Variants in PALM2AKAP2 observed in about 807,000 individuals in gnomAD.
PALM2AKAP2 encodes the protein PALM2 and AKAP2 fusion.
Under a neutral mutation model 71.5 loss-of-function variants are expected in PALM2AKAP2, and 37 were observed. The ratio of observed to expected loss-of-function variants is 0.52; its 90% CI spans 0.40 to 0.68. PALM2AKAP2 has a LOEUF of 0.68. PALM2AKAP2 is among the 30% of genes least tolerant of loss of function. The probability of loss-of-function intolerance (pLI) is 0.00; values close to 1 mark genes in which losing one functional copy is unlikely to be tolerated. For missense variants in PALM2AKAP2, 1,224 were observed against 1,191.8 expected, an observed-to-expected ratio of 1.03 and a Z score of -0.40; for synonymous variants, 468 against 478.8, an observed-to-expected ratio of 0.98 and a Z score of 0.29.
intron 2 of PALM2AKAP2, among the ~76,000 whole-genome samples, chr9:110,146,081 G>A (rs1384996330): frequency 6.6e-6 from 1 of 151,732 alleles, no homozygotes; most frequent in African/African-American, 2.4e-5. Flanking sequence ...TGTATTTTTA[G>A]TAGAGATGGG....
chr9:109,791,149 A>G (rs1486856803), intron 1 of PALM2AKAP2, among the ~76,000 whole-genome samples: 1 of 152,238 alleles, frequency 6.6e-6, no homozygotes. Context: ...ACTGGTGACT[A>G]GAGATAAGAC....
chr9:110,118,986 A>G (rs878858305), intron 1 of PALM2AKAP2, among the ~76,000 whole-genome samples: 1 of 152,210 alleles, frequency 6.6e-6, no homozygotes, highest in Admixed American at 6.5e-5. Context: ...GAAGATTGCT[A>G]CATATAAATT....
At chr9:109,819,452 C>T (rs975273620) in intron 1 of PALM2AKAP2, among the ~76,000 whole-genome samples, 7 of 152,274 alleles carry the variant, frequency 4.6e-5, no homozygotes, top group African/African-American at 1.7e-4. Context: ...CTGGGAAGAG[C>T]AATAACTCTT....
At chr9:110,053,788 A>C (rs1248449032) in intron 1 of PALM2AKAP2, among the ~76,000 whole-genome samples, 1 of 152,050 alleles carries the variant, frequency 6.6e-6, no homozygotes, top group Non-Finnish European at 1.5e-5. Flanking sequence ...TTTTTCTTCT[A>C]AGCCTTGGAA....
At chr9:109,697,641 T>TA (rs890157125) in intron 1 of PALM2AKAP2, among the ~76,000 whole-genome samples, 35 of 152,296 alleles carry the variant, frequency 2.3e-4, no homozygotes, top group African/African-American at 7.7e-4. Context: ...AAATTACATT[T>TA]AAAAAAATTA....
At chr9:109,981,240 G>A (rs1832264127) in intron 6 of PALM2AKAP2, among the ~76,000 whole-genome samples, 1 of 152,176 alleles carries the variant, frequency 6.6e-6, no homozygotes, top group Admixed American at 6.5e-5. Context: ...GCCTTTCAAA[G>A]TCACTTAGAA....
chr9:109,715,071 G>T (rs1357731609), intron 1 of PALM2AKAP2, among the ~76,000 whole-genome samples: 1 of 114,032 alleles, frequency 8.8e-6, no homozygotes, highest in Non-Finnish European at 2.0e-5. Flanking sequence ...AAGTCAGTTG[G>T]ACTCTGAGTT....
chr9:110,137,018 T>G, exon 2 of PALM2AKAP2: 1 of 1,612,670 alleles, frequency 6.2e-7, no homozygotes, highest in South Asian at 1.1e-5. Context: ...ACATCTGGAG[T>G]CGCACAAAAA....
chr9:110,115,454 A>G (rs992371082), intron 1 of PALM2AKAP2, among the ~76,000 whole-genome samples: 2 of 152,148 alleles, frequency 1.3e-5, no homozygotes, highest in African/African-American at 4.8e-5. Flanking sequence ...TCGAGTCTTC[A>G]TTGCCCCTTG....
intron 1 of PALM2AKAP2, among the ~76,000 whole-genome samples, chr9:109,699,722 A>AT (rs370064376): frequency 5.3e-5 from 8 of 151,562 alleles, no homozygotes; most frequent in South Asian, 4.2e-4. Context: ...TTTTATTTCC[A>AT]TTTTTTTTCC....
chr9:109,826,725 C>T (rs1828159459), intron 1 of PALM2AKAP2, among the ~76,000 whole-genome samples: 1 of 152,118 alleles, frequency 6.6e-6, no homozygotes, highest in South Asian at 2.1e-4. Flanking sequence ...GGAAAATTGC[C>T]TGTAAGTGTG....
intron 1 of PALM2AKAP2, among the ~76,000 whole-genome samples, chr9:110,071,030 G>GGT (rs1245741852): frequency 1.3e-5 from 2 of 151,924 alleles, no homozygotes; most frequent in Non-Finnish European, 2.9e-5. Context: ...CAGACATGGT[G>GGT]GTACGTGCCT....
intron 7 of PALM2AKAP2, among the ~76,000 whole-genome samples, chr9:110,035,469 AT>A (rs1564271511): frequency 1.7e-4 from 25 of 143,800 alleles, no homozygotes; most frequent in African/African-American, 5.9e-4. Flanking sequence ...ATGTATATAT[AT>A]GATATGTTGT....
intron 1 of PALM2AKAP2, among the ~76,000 whole-genome samples, chr9:109,741,340 A>G (rs1449685627): frequency 6.6e-6 from 1 of 152,164 alleles, no homozygotes; most frequent in Non-Finnish European, 1.5e-5. Context: ...ATATCACCAC[A>G]AGTTTATTCA....
At chr9:109,863,123 G>A (rs1829359223) in intron 1 of PALM2AKAP2, among the ~76,000 whole-genome samples, 1 of 152,216 alleles carries the variant, frequency 6.6e-6, no homozygotes, top group Non-Finnish European at 1.5e-5. Flanking sequence ...AGTTGGAGAA[G>A]CCAAGAATGG....
intron 1 of PALM2AKAP2, among the ~76,000 whole-genome samples, chr9:109,809,216 C>T (rs996113572): frequency 1.3e-5 from 2 of 152,328 alleles, no homozygotes; most frequent in Middle Eastern, 3.4e-3. Context: ...CAGCTTTCAT[C>T]GTGCAACTAG....
intron 7 of PALM2AKAP2, among the ~76,000 whole-genome samples, chr9:110,038,863 C>T (rs1042545312): frequency 2.3e-4 from 31 of 135,228 alleles, no homozygotes; most frequent in African/African-American, 7.6e-4. Flanking sequence ...ATTGCTTGAA[C>T]GTGGGAGGCA....
chr9:109,855,043 C>T (rs544031801), intron 1 of PALM2AKAP2, among the ~76,000 whole-genome samples: 38 of 151,716 alleles, frequency 2.5e-4, no homozygotes, highest in African/African-American at 8.0e-4. Context: ...ACTGGGATTA[C>T]AGGCGTGAGC....
intron 1 of PALM2AKAP2, among the ~76,000 whole-genome samples, chr9:110,093,523 C>G (rs1451559432): frequency 2.0e-5 from 3 of 152,170 alleles, no homozygotes; most frequent in South Asian, 2.1e-4. Context: ...GAAATATTGT[C>G]TTGGATAGAA....
Sources: gnomAD v4.1 joint callset for allele counts (sites outside exome capture counted in the v4.1 genomes callset) on GRCh38, gnomAD v4.1.1 for gene constraint, MANE v1.5 for transcripts, NCBI Gene and HGNC (gene_info 2026-07-23, HGNC 2026-07-21) for gene names.